MSH3: variants seen among roughly 807,000 people sequenced by gnomAD.
The protein encoded by MSH3 is DNA mismatch repair protein Msh3.
MSH3 carries 106 observed loss-of-function variants against 123.3 expected under a neutral mutation model. The observed-to-expected ratio is 0.86, with a 90% CI of 0.73 to 1.01. The LOEUF (loss-of-function observed/expected upper bound fraction) is 1.01. Among genes scored for constraint, MSH3 ranks in the 50% least tolerant of loss-of-function variants. The probability of loss-of-function intolerance (pLI) is 0.00; values close to 1 mark genes in which losing one functional copy is unlikely to be tolerated. For missense variants in MSH3, 1,459 were observed against 1,347.6 expected (o/e 1.08, Z -1.29); for synonymous variants, 515 against 481.4 (o/e 1.07, Z -0.91).
intron 16 of MSH3, among the ~76,000 whole-genome samples, chr5:80,777,741 C>T (rs1344853824): frequency 1.3e-5 from 2 of 152,182 alleles, no homozygotes; most frequent in Non-Finnish European, 2.9e-5. Flanking sequence ...CACCCCTAAT[C>T]CAGCAACTTG....
At chr5:80,805,173 T>G (rs1744865359) in intron 19 of MSH3, among the ~76,000 whole-genome samples, 1 of 152,142 alleles carries the variant, frequency 6.6e-6, no homozygotes, top group South Asian at 2.1e-4. Flanking sequence ...AAGCACTGAG[T>G]GTGTTGGTAT....
intron 7 of MSH3, among the ~76,000 whole-genome samples, chr5:80,678,650 G>A (rs1249994499): frequency 1.3e-5 from 2 of 152,128 alleles, no homozygotes; most frequent in African/African-American, 4.8e-5. Context: ...GCAGTGTTTG[G>A]TAACTTGCCA....
At chr5:80,737,001 G>A (rs1167655641) in intron 10 of MSH3, among the ~76,000 whole-genome samples, 4 of 152,136 alleles carry the variant, frequency 2.6e-5, no homozygotes, top group Admixed American at 6.5e-5. Flanking sequence ...CAGTGGTCTT[G>A]TAGACTCAAC....
rs759247521 is a variant in MSH3, at chr5:80,761,616, G to A, written c.1834G>A (p.Glu612Lys). 1.4e-5 allele frequency: 23 copies of A among 1,613,972 alleles called. No homozygotes were observed. The highest frequency in any genetic ancestry group is 1.8e-5 in the Non-Finnish European group (21 of 1,179,996). ...AGAATCTAGTGTGTTTGGTCAGATA[G>A]AAAATCATCTACGTAAATTGCCCGA... ...HSESSVFGQIENHLRKLPDIE... is the reference protein window; with the variant it reads ...HSESSVFGQIKNHLRKLPDIE... The change falls in exon 13 of 24, where the codon GAA (glutamate) becomes AAA (lysine). Residue 612 changes from glutamate (E) to lysine (K), a missense_variant. Transcript: ENST00000265081.
At chr5:80,746,262 T>C (rs1743717928) in intron 12 of MSH3, 1 of 240,072 alleles carries the variant, frequency 4.2e-6, no homozygotes, top group African/African-American at 2.3e-5. Context: ...GTTTGTCTGA[T>C]ATTAACAATT....
intron 22 of MSH3, among the ~76,000 whole-genome samples, chr5:80,867,017 T>C (rs1049491836): frequency 6.6e-6 from 1 of 152,200 alleles, no homozygotes; most frequent in East Asian, 1.9e-4. Flanking sequence ...CTGGAGCCCT[T>C]TGTCCTCCTG....
intron 2 of MSH3, among the ~76,000 whole-genome samples, chr5:80,660,583 A>G (rs1205817354): frequency 1.3e-5 from 2 of 152,230 alleles, no homozygotes; most frequent in African/African-American, 4.8e-5. Context: ...GTATATTGGA[A>G]AAGTCATATT....
chr5:80,867,602 G>GT (rs1347490032), intron 22 of MSH3, among the ~76,000 whole-genome samples: 1 of 152,106 alleles, frequency 6.6e-6, no homozygotes, highest in Non-Finnish European at 1.5e-5. Context: ...TAAAATCAAG[G>GT]TTTTCTTAGG....
intron 14 of MSH3, 96 bp from the exon 15 acceptor site, chr5:80,768,738 TC>T: frequency 9.1e-7 from 1 of 1,093,528 alleles, no homozygotes; most frequent in Admixed American, 2.0e-5. Flanking sequence ...TTTTCTGACT[TC>T]CAGTGCTTTC....
chr5:80,698,183 G>A (rs1750527307), intron 8 of MSH3, among the ~76,000 whole-genome samples: 3 of 152,162 alleles, frequency 2.0e-5, no homozygotes, highest in African/African-American at 4.8e-5. Flanking sequence ...AATTACAAGC[G>A]TGGACCATTG....
At chr5:80,813,344 G>A (rs543882217) in intron 19 of MSH3, among the ~76,000 whole-genome samples, 1 of 152,334 alleles carries the variant, frequency 6.6e-6, no homozygotes, top group Admixed American at 6.5e-5. Context: ...AGCCATAGCA[G>A]TTATCCACTT....
At chr5:80,815,558 C>G (rs888703700) in intron 20 of MSH3, among the ~76,000 whole-genome samples, 3 of 152,164 alleles carry the variant, frequency 2.0e-5, no homozygotes, top group Non-Finnish European at 2.9e-5. Flanking sequence ...GTTTCAGTGG[C>G]TCTGCCATTT....
chr5:80,751,527 C>T (rs1455861048), intron 12 of MSH3, among the ~76,000 whole-genome samples: 1 of 152,184 alleles, frequency 6.6e-6, no homozygotes, highest in Non-Finnish European at 1.5e-5. Flanking sequence ...CTGTTCTGGT[C>T]CTCTCTCCTA....
chr5:80,675,197 A>G, intron 7 of MSH3, 69 bp downstream of exon 7: 2 of 1,493,704 alleles, frequency 1.3e-6, no homozygotes, highest in Non-Finnish European at 1.9e-6. Flanking sequence ...TCTATCATGT[A>G]TGGTTTATAA....
rs540388478 is a variant in MSH3 at position 80,695,536 on chromosome 5, G to T, written c.1340+16443G>T. The stretch of plus-strand genomic sequence containing the variant: ...TTTAGTAGAGATGGGGTTTCGCCAT[G>T]TTGGCCACGCTGGTCTCAAGCTCCT... On this transcript the variant is annotated intron_variant, in intron 8 of 23. Transcript: ENST00000265081. Among the ~76,000 whole-genome samples, 28 of 152,236 alleles carry T rather than the reference G, an allele frequency of 1.8e-4. No individual in the cohort carries two copies. The East Asian group carries it at 4.3e-3, about 23-fold the overall frequency.
At chr5:80,687,010 C>G (rs1750107148) in intron 8 of MSH3, among the ~76,000 whole-genome samples, 1 of 152,136 alleles carries the variant, frequency 6.6e-6, no homozygotes, top group African/African-American at 2.4e-5. Flanking sequence ...TTAATGGTTA[C>G]TAAAATCTTC....
chr5:80,784,212 C>CAAAAAAAAAAAAA (rs1192783960), intron 17 of MSH3, among the ~76,000 whole-genome samples: 7 of 11,986 alleles, frequency 5.8e-4, no homozygotes, highest in East Asian at 3.6e-3. Context: ...TACTACGTCG[C>CAAAAAAAAAAAAA]AAAAAAAAAA....
intron 20 of MSH3, among the ~76,000 whole-genome samples, chr5:80,823,401 A>G (rs1368235098): frequency 2.0e-5 from 3 of 152,090 alleles, no homozygotes; most frequent in African/African-American, 7.2e-5. Context: ...CTACTCAGGG[A>G]CGTGGAATTT....
rs144760283 is a variant in MSH3, at chr5:80,766,956, G to A, written c.1897-977G>A. ...ATCATTTAAAGAATACAAAGAAAGT[G>A]TTACCATGTAAATACATAAAAATAT... On this transcript the variant is annotated intron_variant, in intron 13 of 23. Transcript: ENST00000265081. 1.1e-4 allele frequency among the ~76,000 whole-genome samples: 16 copies of A among 151,964 alleles called. No homozygotes were observed. In the East Asian group the frequency reaches 3.1e-3, roughly 29 times the overall value.
Sources: gnomAD v4.1 joint callset for allele counts (sites outside exome capture counted in the v4.1 genomes callset) on GRCh38, gnomAD v4.1.1 for gene constraint, MANE v1.5 for transcripts, NCBI Gene and HGNC (gene_info 2026-07-23, HGNC 2026-07-21) for gene names.